PLPP3: variants seen among roughly 807,000 people sequenced by gnomAD.
PLPP3 encodes the protein PAP2 beta.
PLPP3 carries 6 observed loss-of-function variants against 29.6 expected under a neutral mutation model. The observed-to-expected ratio is 0.20, with a 90% CI of 0.11 to 0.40. The LOEUF (loss-of-function observed/expected upper bound fraction) is 0.40. Ranked by LOEUF, PLPP3 falls within the 10% of genes least tolerant of loss-of-function variation. The pLI, the probability that PLPP3 is intolerant of heterozygous loss-of-function variation, is 1.00. For missense variants in PLPP3, 308 were observed against 407.7 expected, an observed-to-expected ratio of 0.76 and a Z score of 2.11; for synonymous variants, 152 against 159.7, an observed-to-expected ratio of 0.95 and a Z score of 0.36.
chr1:56,506,536 A>G (rs1173754981), intron 5 of PLPP3, among the ~76,000 whole-genome samples: 1 of 152,178 alleles, frequency 6.6e-6, no homozygotes, highest in Non-Finnish European at 1.5e-5. Context: ...GAAATCCATG[A>G]GCAGCTGCTT....
intron 1 of PLPP3, among the ~76,000 whole-genome samples, chr1:56,539,316 A>T (rs1195443268): frequency 6.6e-6 from 1 of 152,220 alleles, no homozygotes; most frequent in African/African-American, 2.4e-5. Context: ...ACCTCTAAAA[A>T]AAAGTACCAT....
intron 1 of PLPP3, among the ~76,000 whole-genome samples, chr1:56,569,855 C>G (rs1449287760): frequency 1.3e-5 from 2 of 152,196 alleles, no homozygotes; most frequent in Non-Finnish European, 2.9e-5. Context: ...AGTCTCAGCA[C>G]CTGTGCTTCA....
intron 2 of PLPP3, among the ~76,000 whole-genome samples, chr1:56,528,333 T>C (rs1645865715): frequency 6.6e-6 from 1 of 152,196 alleles, no homozygotes; most frequent in Admixed American, 6.5e-5. Context: ...CTGTCTTTTC[T>C]GGTGAAAAAG....
At chr1:56,520,104 G>C (rs1250443428) in intron 4 of PLPP3, among the ~76,000 whole-genome samples, 6 of 152,098 alleles carry the variant, frequency 3.9e-5, no homozygotes, top group Admixed American at 3.9e-4. Context: ...AAATAGACAG[G>C]CCATCTCATC....
intron 1 of PLPP3, among the ~76,000 whole-genome samples, chr1:56,553,413 G>A (rs531528098): frequency 1.3e-5 from 2 of 152,286 alleles, no homozygotes; most frequent in South Asian, 4.1e-4. Flanking sequence ...TAACCCAGGT[G>A]TGACCAACCA....
intron 1 of PLPP3, among the ~76,000 whole-genome samples, chr1:56,549,828 C>G (rs1646026582): frequency 1.3e-5 from 2 of 152,216 alleles, no homozygotes; most frequent in South Asian, 4.1e-4. Flanking sequence ...GCTCTTGGCT[C>G]TGCTGAAGTA....
At chr1:56,510,692 T>C (rs1489067725) in intron 5 of PLPP3, among the ~76,000 whole-genome samples, 2 of 152,240 alleles carry the variant, frequency 1.3e-5, no homozygotes, top group Non-Finnish European at 2.9e-5. Context: ...AAGAAATAAC[T>C]TCCTACAGTG....
At chr1:56,526,705 G>A (rs901634651) in intron 2 of PLPP3, among the ~76,000 whole-genome samples, 10 of 152,130 alleles carry the variant, frequency 6.6e-5, no homozygotes, top group African/African-American at 2.4e-4. Flanking sequence ...CAAAACGAGG[G>A]TGCTAGACTC....
chr1:56,565,064 T>C (rs1254838577), intron 1 of PLPP3, among the ~76,000 whole-genome samples: 1 of 152,236 alleles, frequency 6.6e-6, no homozygotes, highest in Non-Finnish European at 1.5e-5. Flanking sequence ...TAAGCCATTC[T>C]TCTCTATAAA....
At chr1:56,566,528 G>A (rs1182683781) in intron 1 of PLPP3, among the ~76,000 whole-genome samples, 1 of 152,134 alleles carries the variant, frequency 6.6e-6, no homozygotes, top group African/African-American at 2.4e-5. Context: ...CTCAATAAAT[G>A]TCAGCAATCG....
chr1:56,498,761 G>A (rs1019964073), intron 5 of PLPP3, among the ~76,000 whole-genome samples: 3 of 151,986 alleles, frequency 2.0e-5, no homozygotes, highest in Admixed American at 2.0e-4. Context: ...AGCCTCCTGA[G>A]TAGCTGGGAT....
Position 56,496,444 on chromosome 1 carries a change from C to A in PLPP3, c.*107G>T, listed in dbSNP as rs779305870. On this transcript the variant is annotated 3_prime_UTR_variant, in exon 6 of 6. Transcript: ENST00000371250. ...TTTTTTTTCCTTTTTAAAAATCAGT[C>A]GGGCAAAAGTTTTTCCCTACATTCT... 7.4e-7 allele frequency: 1 copy of A among 1,352,226 alleles called. No individual in the cohort carries two copies. Among genetic ancestry groups the A allele is most frequent in the South Asian group, 1.4e-5 (1 of 69,370 alleles). The allele number at this position is 1,352,226 out of a possible 1,614,324, so 83.8% of individuals were successfully genotyped here.
chr1:56,542,166 T>C (rs1158382850), intron 1 of PLPP3, among the ~76,000 whole-genome samples: 1 of 152,162 alleles, frequency 6.6e-6, no homozygotes, highest in Non-Finnish European at 1.5e-5. Context: ...GAAAGGCCCC[T>C]GTGTTGGGTT....
At chr1:56,562,101 G>A (rs1029065212) in intron 1 of PLPP3, among the ~76,000 whole-genome samples, 33 of 112,946 alleles carry the variant, frequency 2.9e-4, no homozygotes, top group African/African-American at 1.1e-3. Flanking sequence ...CAAAGAGAAA[G>A]AATGGCATGG....
intron 1 of PLPP3, among the ~76,000 whole-genome samples, chr1:56,557,065 AGAAAGAAAGAAAAAAT>A (rs1646087994): frequency 1.6e-5 from 2 of 127,372 alleles, no homozygotes; most frequent in African/African-American, 2.8e-5. Flanking sequence ...AGAGAAAGAA[AGAAAGAAAGAAAAAAT>A]GAGAGAGAGA....
intron 1 of PLPP3, among the ~76,000 whole-genome samples, chr1:56,561,590 C>T (rs1204561453): frequency 6.6e-6 from 1 of 151,962 alleles, no homozygotes; most frequent in Admixed American, 6.6e-5. Context: ...TTTCTTTTTA[C>T]TTCTTGTTTA....
At chr1:56,539,738 A>G (rs1382154544) in intron 1 of PLPP3, among the ~76,000 whole-genome samples, 1 of 152,180 alleles carries the variant, frequency 6.6e-6, no homozygotes, top group Non-Finnish European at 1.5e-5. Context: ...CTGGGAGAGA[A>G]ATCATATGGT....
At chr1:56,577,562 G>A (rs1163463521) in intron 1 of PLPP3, among the ~76,000 whole-genome samples, 1 of 152,130 alleles carries the variant, frequency 6.6e-6, no homozygotes, top group Non-Finnish European at 1.5e-5. Context: ...CAGTGCTACA[G>A]AAAGAGTCAT....
chr1:56,531,903 G>A lies in PLPP3; in HGVS notation c.297+5052C>T, dbSNP rs1005534700. Among the ~76,000 whole-genome samples, 4 of 152,266 alleles carry A rather than the reference G, an allele frequency of 2.6e-5. No homozygotes were observed. The South Asian group carries it at 8.3e-4, about 32-fold the overall frequency. ...CTGGTCCATTAAATAGCTCATAAAT[G>A]TTATCTGACTCTCCACCCCATCCCC... On this transcript the variant is annotated intron_variant, in intron 2 of 5. Coordinates refer to ENST00000371250, the MANE Select transcript of PLPP3 (RefSeq NM_003713.5).
Sources: allele counts gnomAD v4.1 joint callset (sites outside exome capture counted in the v4.1 genomes callset), GRCh38; gene constraint gnomAD v4.1.1; transcripts MANE v1.5; gene names NCBI Gene and HGNC (gene_info 2026-07-23, HGNC 2026-07-21).